MALRD1: variants seen among roughly 807,000 people sequenced by gnomAD.
MALRD1 encodes MAM and LDL-receptor class A domain-containing protein 1.
In MALRD1, 247 loss-of-function variants were observed where a neutral mutation model predicts 242.1. The observed-to-expected ratio is 1.02, with a 90% CI of 0.92 to 1.13. The LOEUF (loss-of-function observed/expected upper bound fraction) is 1.13. MALRD1 is among the 50% of genes most tolerant of loss of function. The pLI is 0.00. For synonymous variants in MALRD1, 995 were observed against 866.6 expected, an observed-to-expected ratio of 1.15 and a Z score of -2.60; for missense variants, 2,989 against 2,533.1, an observed-to-expected ratio of 1.18 and a Z score of -3.86.
At chr10:19,486,486 T>C (rs1314723080) in intron 29 of MALRD1, among the ~76,000 whole-genome samples, 1 of 152,194 alleles carries the variant, frequency 6.6e-6, no homozygotes, top group Admixed American at 6.5e-5. Context: ...TCCATACATA[T>C]ATAGCAGCCT....
intron 36 of MALRD1, among the ~76,000 whole-genome samples, chr10:19,623,290 A>T (rs144780770): frequency 6.6e-6 from 1 of 152,274 alleles, no homozygotes; most frequent in East Asian, 1.9e-4. Flanking sequence ...ATACACAAAG[A>T]ACTATTTTAA....
intron 29 of MALRD1, among the ~76,000 whole-genome samples, chr10:19,455,532 ATAG>A (rs1323186311): frequency 6.6e-6 from 1 of 152,202 alleles, no homozygotes; most frequent in Non-Finnish European, 1.5e-5. Flanking sequence ...CATCTATAAA[ATAG>A]TAGTAATAAT....
chr10:19,397,033 T>A (rs1047943270), intron 28 of MALRD1, among the ~76,000 whole-genome samples: 77 of 152,340 alleles, frequency 5.1e-4, no homozygotes, highest in Non-Finnish European at 8.4e-4. Context: ...ATGTATACAT[T>A]GTGTAATGAT....
intron 32 of MALRD1, among the ~76,000 whole-genome samples, chr10:19,540,715 T>C (rs1481222854): frequency 1.3e-5 from 2 of 152,112 alleles, no homozygotes; most frequent in African/African-American, 4.8e-5. Context: ...CAGGCATATG[T>C]TGAGTGAAAA....
intron 32 of MALRD1, among the ~76,000 whole-genome samples, chr10:19,539,384 G>A (rs1047937292): frequency 3.9e-5 from 6 of 152,076 alleles, no homozygotes; most frequent in African/African-American, 7.2e-5. Context: ...TATTTATGAC[G>A]TATTGAGGGT....
intron 14 of MALRD1, among the ~76,000 whole-genome samples, chr10:19,177,375 A>G (rs999719253): frequency 1.5e-4 from 23 of 152,162 alleles, no homozygotes; most frequent in South Asian, 4.2e-4. Flanking sequence ...TTAATTAAAT[A>G]CCACATCACC....
At chr10:19,300,590 C>A (rs962414286) in intron 21 of MALRD1, among the ~76,000 whole-genome samples, 1 of 151,710 alleles carries the variant, frequency 6.6e-6, no homozygotes, top group Non-Finnish European at 1.5e-5. Flanking sequence ...ACAAAATTGA[C>A]AATAAAAAGC....
intron 33 of MALRD1, among the ~76,000 whole-genome samples, chr10:19,581,554 A>T (rs1375485710): frequency 2.0e-5 from 3 of 149,846 alleles, no homozygotes; most frequent in Admixed American, 6.7e-5. Context: ...TGAACTCATC[A>T]TTTTTTATGG....
intron 31 of MALRD1, among the ~76,000 whole-genome samples, chr10:19,503,520 G>A (rs1838068072): frequency 6.6e-6 from 1 of 152,210 alleles, no homozygotes; most frequent in Non-Finnish European, 1.5e-5. Context: ...GTCTACACAT[G>A]AATACTGTTT....
intron 18 of MALRD1, among the ~76,000 whole-genome samples, chr10:19,255,239 C>T (rs1289117760): frequency 3.3e-5 from 5 of 152,122 alleles, no homozygotes; most frequent in South Asian, 2.1e-4. Context: ...CCCTTTGAGG[C>T]ACTCCGTAAG....
At chr10:19,607,027 G>A (rs1414912966) in intron 34 of MALRD1, among the ~76,000 whole-genome samples, 1 of 152,092 alleles carries the variant, frequency 6.6e-6, no homozygotes, top group African/African-American at 2.4e-5. Context: ...TGCAAGACTA[G>A]GTAGCCATTG....
rs112775281 is a variant in MALRD1 at position 19,475,211 on chromosome 10, C to T, written c.5030-16306C>T. ...CGGGCGGATCACGAGGTCAGGAGAT[C>T]GAGACCATGCTGGCTAACACAGCGA... is the stretch of plus-strand genomic sequence containing the variant. On this transcript the variant is annotated intron_variant, in intron 29 of 39. Coordinates refer to ENST00000454679, the MANE Select transcript of MALRD1 (RefSeq NM_001142308.3). 4.7e-3 allele frequency among the ~76,000 whole-genome samples: 712 copies of T among 152,178 alleles called. 2 individuals are homozygous for T. The highest frequency in any genetic ancestry group is 0.016 in the African/African-American group (671 of 41,546).
intron 5 of MALRD1, among the ~76,000 whole-genome samples, chr10:19,119,918 T>C (rs561298280): frequency 1.3e-5 from 2 of 152,148 alleles, no homozygotes; most frequent in African/African-American, 4.8e-5. Context: ...AAATTAGATC[T>C]CTTTCACTGT....
intron 28 of MALRD1, among the ~76,000 whole-genome samples, chr10:19,439,544 A>T (rs1290481141): frequency 1.3e-5 from 2 of 152,126 alleles, no homozygotes; most frequent in African/African-American, 4.8e-5. Context: ...TCTCAAAAAA[A>T]AAGTGGGGGA....
At chr10:19,675,975 A>G (rs996891730) in intron 36 of MALRD1, among the ~76,000 whole-genome samples, 7 of 152,230 alleles carry the variant, frequency 4.6e-5, no homozygotes, top group African/African-American at 1.2e-4. Context: ...ATTGGTCTGT[A>G]TCCTTAAAAG....
In MALRD1 at chr10:19,148,521, A is replaced by C. The variant is rs1187655061; in HGVS notation, c.1558+2177A>C. 9.9e-5 allele frequency among the ~76,000 whole-genome samples: 15 copies of C among 152,112 alleles called. 1 individual carries two copies. Among genetic ancestry groups the C allele is most frequent in the Admixed American group, 9.8e-4 (15 of 15,266 alleles). ...ATAAGAAGACTAGGAAAAACACCAG[A>C]TAAGACAATTAGAAAATATGTTTGT... On this transcript the variant is annotated intron_variant, in intron 11 of 39. Transcript: ENST00000454679.
intron 5 of MALRD1, among the ~76,000 whole-genome samples, chr10:19,106,163 C>G (rs371495600): frequency 6.6e-6 from 1 of 151,872 alleles, no homozygotes; most frequent in Non-Finnish European, 1.5e-5. Flanking sequence ...CCCACCCACT[C>G]ACCCTTCACA....
intron 24 of MALRD1, among the ~76,000 whole-genome samples, chr10:19,344,289 A>G (rs1370468490): frequency 6.6e-6 from 1 of 152,042 alleles, no homozygotes; most frequent in South Asian, 2.1e-4. Context: ...ATGATATTAC[A>G]TTTTACATTT....
chr10:19,215,728 T>TGAGTTTATTTTGCTGCCA (rs1564473159), intron 18 of MALRD1, among the ~76,000 whole-genome samples: 15 of 115,570 alleles, frequency 1.3e-4, no homozygotes, highest in Admixed American at 3.7e-4. Context: ...TAAATTAGTA[T>TGAGTTTATTTTGCTGCCA]AAATAATTTA....
Sources: gnomAD v4.1 joint callset for allele counts (sites outside exome capture counted in the v4.1 genomes callset) on GRCh38, gnomAD v4.1.1 for gene constraint, MANE v1.5 for transcripts, NCBI Gene and HGNC (gene_info 2026-07-23, HGNC 2026-07-21) for gene names.